The following CEP126 variants were observed in gnomAD, a reference collection of about 807,000 sequenced individuals.
The protein encoded by CEP126 is centrosomal protein of 126 kDa.
CEP126 carries 74 observed loss-of-function variants against 107.8 expected under a neutral mutation model. The ratio of observed to expected loss-of-function variants is 0.69; its 90% CI spans 0.57 to 0.83. The LOEUF is 0.83. CEP126 is among the 40% of genes least tolerant of loss of function. The pLI is 0.00. For synonymous variants in CEP126, 449 were observed against 446.0 expected, an observed-to-expected ratio of 1.01 and a Z score of -0.08; for missense variants, 1,237 against 1,281.9, an observed-to-expected ratio of 0.96 and a Z score of 0.53.
chr11:101,979,175 G>T (rs981172369), intron 7 of CEP126, among the ~76,000 whole-genome samples: 3 of 151,886 alleles, frequency 2.0e-5, no homozygotes, highest in African/African-American at 7.3e-5. Flanking sequence ...GACAACTATA[G>T]TTTCATGTGA....
At chr11:101,945,957 T>C (rs1940730592) in intron 3 of CEP126, among the ~76,000 whole-genome samples, 1 of 152,118 alleles carries the variant, frequency 6.6e-6, no homozygotes, top group Non-Finnish European at 1.5e-5. Flanking sequence ...CTGCTATAAT[T>C]AGATTTGTTA....
chr11:101,988,717 G>A (rs1427834134), intron 9 of CEP126, among the ~76,000 whole-genome samples: 3 of 151,776 alleles, frequency 2.0e-5, no homozygotes, highest in Non-Finnish European at 4.4e-5. Context: ...GAAGGGGGGT[G>A]AATTAAAAAT....
chr11:101,933,069 T>C (rs1011346485), intron 2 of CEP126, among the ~76,000 whole-genome samples: 17 of 152,166 alleles, frequency 1.1e-4, no homozygotes, highest in Admixed American at 9.8e-4. Context: ...AATTAAAATT[T>C]CAGGCTCTGC....
In CEP126 at chr11:101,962,060, A is replaced by G. The variant is rs754415952; in HGVS notation, c.1025A>G (p.Tyr342Cys). The part of the protein sequence containing the change: ...SKSNVLPSWE[Y>C]FNSKEQNPSP... ...TCTAATGTTCTGCCTTCATGGGAATATTTTAATAGTAAAGAACAAAATCCA... is the reference window on the plus strand; with the variant it reads ...TCTAATGTTCTGCCTTCATGGGAATGTTTTAATAGTAAAGAACAAAATCCA... The change falls in exon 6 of 11, where the codon TAT becomes TGT. Residue 342 changes from tyrosine to cysteine, a missense_variant. Physicochemically the swap from Tyr to Cys is radical, Grantham distance 194. Transcript: ENST00000263468. 6 of 1,613,094 alleles carry G rather than the reference A, an allele frequency of 3.7e-6. No homozygotes were observed. Among genetic ancestry groups the G allele is most frequent in the Non-Finnish European group, 5.1e-6 (6 of 1,179,450 alleles).
At chr11:101,981,079 C>T (rs1941249305) in intron 7 of CEP126, among the ~76,000 whole-genome samples, 2 of 152,174 alleles carry the variant, frequency 1.3e-5, no homozygotes, top group Non-Finnish European at 2.9e-5. Context: ...TAGATGTGTA[C>T]ACTTTTTGCC....
intron 6 of CEP126, among the ~76,000 whole-genome samples, chr11:101,971,831 A>G (rs918467821): frequency 1.1e-4 from 16 of 152,250 alleles, no homozygotes; most frequent in African/African-American, 3.9e-4. Flanking sequence ...AATAGCGGCC[A>G]GGTGCCGTGG....
At chr11:101,976,840 T>C (rs1383966975) in intron 6 of CEP126, among the ~76,000 whole-genome samples, 3 of 152,224 alleles carry the variant, frequency 2.0e-5, no homozygotes, top group African/African-American at 7.2e-5. Context: ...GCAAAGTCAC[T>C]GTACCCTCTG....
At chr11:101,916,576 T>C (rs1032627120) in intron 1 of CEP126, 45 of 152,196 alleles carry the variant, frequency 3.0e-4, no homozygotes, top group African/African-American at 1.0e-3. Flanking sequence ...CTCCCCAAAA[T>C]TGCCCTCTTA....
intron 5 of CEP126, among the ~76,000 whole-genome samples, chr11:101,960,138 T>C (rs985770848): frequency 2.0e-5 from 3 of 150,562 alleles, no homozygotes; most frequent in African/African-American, 7.4e-5. Context: ...AAAAGATATG[T>C]TACATGCAGG....
intron 7 of CEP126, among the ~76,000 whole-genome samples, chr11:101,981,297 C>CT (rs980414762): frequency 4.0e-5 from 6 of 151,858 alleles, no homozygotes; most frequent in African/African-American, 1.5e-4. Flanking sequence ...TTAATTAGCA[C>CT]TTTTTTTTAT....
intron 2 of CEP126, among the ~76,000 whole-genome samples, chr11:101,940,660 T>C (rs1940650381): frequency 6.6e-6 from 1 of 152,202 alleles, no homozygotes. Context: ...TTCAGTCACA[T>C]GTCTTGTGCT....
rs183394815 is a variant in CEP126 at position 101,947,166 on chromosome 11, A to T, written c.395-865A>T. On this transcript the variant is annotated intron_variant, in intron 3 of 10. Transcript: ENST00000263468. ...TGTAATAATGGAAAAGTTTGATGACATGTTGGTGTTTTAAAGGAGAAAAGA... is the reference window on the plus strand; with the variant it reads ...TGTAATAATGGAAAAGTTTGATGACTTGTTGGTGTTTTAAAGGAGAAAAGA... Among the ~76,000 whole-genome samples, 3 of 152,266 alleles carry T rather than the reference A, an allele frequency of 2.0e-5. No homozygotes were observed. In the East Asian group the frequency reaches 5.8e-4, roughly 29 times the overall value.
chr11:101,989,027 A>G (rs958019717), intron 9 of CEP126, among the ~76,000 whole-genome samples: 1 of 152,136 alleles, frequency 6.6e-6, no homozygotes, highest in African/African-American at 2.4e-5. Flanking sequence ...CGTTCTTTGT[A>G]AGTAAACGTA....
intron 6 of CEP126, among the ~76,000 whole-genome samples, chr11:101,969,818 G>A (rs1262927370): frequency 1.3e-5 from 2 of 152,120 alleles, no homozygotes; most frequent in African/African-American, 4.8e-5. Context: ...TTGATTTTTG[G>A]CAAAGGTGGC....
chr11:101,939,596 C>T (rs1940638237), intron 2 of CEP126, among the ~76,000 whole-genome samples: 1 of 152,254 alleles, frequency 6.6e-6, no homozygotes, highest in East Asian at 1.9e-4. Flanking sequence ...TTTAGTTTAC[C>T]ATGATTTCAC....
chr11:101,973,423 AT>A (rs1209741389), intron 6 of CEP126, among the ~76,000 whole-genome samples: 1 of 152,218 alleles, frequency 6.6e-6, no homozygotes, highest in Non-Finnish European at 1.5e-5. Flanking sequence ...GGAACAGAAA[AT>A]CAAACACCGC....
At chr11:101,959,960 A>G (rs1314866774) in intron 5 of CEP126, among the ~76,000 whole-genome samples, 1 of 152,218 alleles carries the variant, frequency 6.6e-6, no homozygotes, top group Non-Finnish European at 1.5e-5. Flanking sequence ...AATTTCACAA[A>G]GTAGGAATGG....
At chr11:101,939,967 C>T (rs1940641882) in intron 2 of CEP126, among the ~76,000 whole-genome samples, 2 of 152,124 alleles carry the variant, frequency 1.3e-5, no homozygotes, top group South Asian at 4.1e-4. Flanking sequence ...ACATCACTAA[C>T]ATAAATCAGT....
intron 6 of CEP126, 77 bp downstream of exon 6, chr11:101,963,957 G>T: frequency 1.1e-6 from 1 of 921,018 alleles, no homozygotes. Flanking sequence ...TCCTATTTAT[G>T]TATGGCCATA....
Sources: allele counts gnomAD v4.1 joint callset (sites outside exome capture counted in the v4.1 genomes callset), GRCh38; gene constraint gnomAD v4.1.1; transcripts MANE v1.5; gene names NCBI Gene and HGNC (gene_info 2026-07-23, HGNC 2026-07-21).